PACRGL: variants seen among roughly 807,000 people sequenced by gnomAD.
The protein encoded by PACRGL is parkin coregulated like, also known as PACRG-like protein.
In PACRGL, 38 loss-of-function variants were observed where a neutral mutation model predicts 34.5. That is an observed-to-expected ratio of 1.10 (90% confidence interval 0.85 to 1.44). The LOEUF (loss-of-function observed/expected upper bound fraction) is 1.44, where lower values mean the gene tolerates loss of function less well. Ranked by LOEUF, PACRGL falls within the 40% of genes most tolerant of loss-of-function variation. PACRGL has a pLI of 0.00. For missense variants in PACRGL, 305 were observed against 281.4 expected (o/e 1.08, Z -0.60); for synonymous variants, 128 against 100.1 (o/e 1.28, Z -1.66).
chr4:20,762,717 G>T, the PACRGL span, among the ~76,000 whole-genome samples: 2 of 152,176 alleles, frequency 1.3e-5, no homozygotes, highest in African/African-American at 4.8e-5. Flanking sequence ...TAATCAAAAT[G>T]CTTGGGAACA....
At chr4:20,734,780 A>C, downstream of PACRGL, 1 of 1,174,232 alleles carries the variant, frequency 8.5e-7, no homozygotes, top group Non-Finnish European at 1.2e-6. Context: ...TTTTTAAAAA[A>C]ACAAAAACAA....
chr4:20,717,896 A>G (rs1740935487), intron 7 of PACRGL, among the ~76,000 whole-genome samples: 1 of 152,072 alleles, frequency 6.6e-6, no homozygotes. Context: ...CTCGATGGGG[A>G]TGGCATTGAT....
downstream of PACRGL, among the ~76,000 whole-genome samples, chr4:20,756,611 C>T (rs1464909998): frequency 6.6e-6 from 1 of 151,880 alleles, no homozygotes; most frequent in Non-Finnish European, 1.5e-5. Flanking sequence ...TTCTCATCGT[C>T]CTTTTCACCC....
chr4:20,736,491 T>C (rs532726748), downstream of PACRGL, among the ~76,000 whole-genome samples: 5 of 152,332 alleles, frequency 3.3e-5, no homozygotes, highest in African/African-American at 1.2e-4. Context: ...TTTGCTGACA[T>C]ACGTTGGTTT....
chr4:20,743,050 G>A (rs1343423624), intron 8 of PACRGL, among the ~76,000 whole-genome samples: 1 of 151,770 alleles, frequency 6.6e-6, no homozygotes, highest in African/African-American at 2.4e-5. Context: ...ACCCTTATAA[G>A]GGTGTGAAGG....
intron 8 of PACRGL, among the ~76,000 whole-genome samples, chr4:20,738,626 C>T (rs1472163051): frequency 6.6e-6 from 1 of 152,182 alleles, no homozygotes; most frequent in African/African-American, 2.4e-5. Context: ...GGGAATCCCC[C>T]CAAGATGGCT....
At chr4:20,698,147 C>A (rs1731316524), upstream of PACRGL, among the ~76,000 whole-genome samples, 1 of 152,108 alleles carries the variant, frequency 6.6e-6, no homozygotes. Context: ...CCAGAGGGCA[C>A]TGGAGCCTGG....
intron 7 of PACRGL, among the ~76,000 whole-genome samples, chr4:20,715,408 A>C (rs547694533): frequency 1.2e-4 from 18 of 152,130 alleles, no homozygotes; most frequent in African/African-American, 4.1e-4. Flanking sequence ...ATGTACCCTA[A>C]AACTTAAAGT....
chr4:20,722,061 G>C (rs1322986306), intron 7 of PACRGL, among the ~76,000 whole-genome samples: 1 of 152,238 alleles, frequency 6.6e-6, no homozygotes, highest in African/African-American at 2.4e-5. Flanking sequence ...CCGCCTTGCA[G>C]TTCTATCCCA....
At chr4:20,727,222 T>C in intron 8 of PACRGL, 63 bp from the exon 9 acceptor site, 4 of 1,402,676 alleles carry the variant, frequency 2.9e-6, no homozygotes, top group Non-Finnish European at 4.0e-6. Flanking sequence ...TTCCTGCAAA[T>C]ATAATACCTA....
chr4:20,712,573 G>C (rs751340779), intron 5 of PACRGL: 119 of 374,934 alleles, frequency 3.2e-4, no homozygotes, highest in Middle Eastern at 2.2e-3. Context: ...CATTGGAGGG[G>C]GGGCCCTGGA....
chr4:20,750,597 G>A (rs774393367), intron 8 of PACRGL, among the ~76,000 whole-genome samples: 3 of 151,798 alleles, frequency 2.0e-5, no homozygotes, highest in Non-Finnish European at 4.4e-5. Context: ...CTGTTTCTCC[G>A]TTGTCTCCTT....
chr4:20,730,005 T>TAA lies in PACRGL; in HGVS notation c.*2667_*2668dup. 1 of 1,521,786 alleles carries TAA rather than the reference T, an allele frequency of 6.6e-7. No individual in the cohort carries two copies. The highest frequency in any genetic ancestry group is 2.3e-5 in the East Asian group (1 of 42,680). 94.3% of individuals were successfully genotyped at this position (1,521,786 alleles called of 1,614,324 possible). A position where few individuals can be genotyped will look rare whatever the true frequency, so the allele number is the denominator to read the frequency against. On this transcript the variant is annotated 3_prime_UTR_variant, in exon 9 of 9. Transcript: ENST00000503585. Reference sequence around the variant, plus strand: ...CAGTGTCAAGCTGAGCAATCTATGCTAAAAGTGGTAGCTCCAACTTTAAGG... The same window carrying TAA: ...CAGTGTCAAGCTGAGCAATCTATGCTAAAAAAGTGGTAGCTCCAACTTTAAGG...
In PACRGL at chr4:20,730,220, A is replaced by G. The variant is rs1747673525; in HGVS notation, c.*2879A>G. 7.9e-6 allele frequency: 11 copies of G among 1,398,002 alleles called. No individual in the cohort carries two copies. Among genetic ancestry groups the G allele is most frequent in the Non-Finnish European group, 8.6e-6 (9 of 1,047,786 alleles). The allele number at this position is 1,398,002 out of a possible 1,614,324, so 86.6% of individuals were successfully genotyped here. On this transcript the variant is annotated 3_prime_UTR_variant, in exon 9 of 9. Coordinates refer to ENST00000503585, the MANE Select transcript of PACRGL (RefSeq NM_001258345.3). ...CCCTGAGTATTGCCTCCTCCCATCA[A>G]CCACCTCAACCACCTATGCCAAAAG...
At chr4:20,722,484 A>G (rs1255326858) in intron 7 of PACRGL, among the ~76,000 whole-genome samples, 3 of 152,194 alleles carry the variant, frequency 2.0e-5, no homozygotes, top group African/African-American at 7.2e-5. Context: ...TTCTTCATGC[A>G]GTGTTTACTT....
chr4:20,710,011 A>C (rs1230124137), intron 5 of PACRGL, among the ~76,000 whole-genome samples: 1 of 152,230 alleles, frequency 6.6e-6, no homozygotes, highest in Non-Finnish European at 1.5e-5. Context: ...GTAGATAACT[A>C]GATGAAATAT....
At chr4:20,703,540 A>G (rs1387055005) in intron 1 of PACRGL, among the ~76,000 whole-genome samples, 2 of 151,084 alleles carry the variant, frequency 1.3e-5, no homozygotes, top group Admixed American at 1.3e-4. Flanking sequence ...TGCTAGAGAT[A>G]CAATTGTAGA....
intron 8 of PACRGL, among the ~76,000 whole-genome samples, chr4:20,744,172 A>G (rs939848075): frequency 1.1e-4 from 16 of 152,340 alleles, no homozygotes; most frequent in South Asian, 2.1e-4. Flanking sequence ...GTGGGACTGT[A>G]AACTAGTTCA....
At position 20,727,607 on chromosome 4, in the gene PACRGL, T is replaced by C. The variant is rs114693292; in HGVS notation, c.*266T>C. 232 of 328,504 alleles carry C rather than the reference T, an allele frequency of 7.1e-4. 1 individual carries two copies. Among genetic ancestry groups the C allele is most frequent in the African/African-American group, 4.6e-3 (220 of 47,838 alleles). The allele number at this position is 328,504 out of a possible 1,614,324, so 20.3% of individuals were successfully genotyped here. ...TTTGTGCGAAGAACCATTATTGAGT[T>C]TGCAAGATAAGATGTATTTGTATTT... On this transcript the variant is annotated 3_prime_UTR_variant, in exon 9 of 9. Coordinates refer to ENST00000503585, the MANE Select transcript of PACRGL (RefSeq NM_001258345.3).
Sources: allele counts gnomAD v4.1 joint callset (sites outside exome capture counted in the v4.1 genomes callset), GRCh38; gene constraint gnomAD v4.1.1; transcripts MANE v1.5; gene names NCBI Gene and HGNC (gene_info 2026-07-23, HGNC 2026-07-21).